ABLIM1: variants seen among roughly 807,000 people sequenced by gnomAD.
ABLIM1 encodes the protein actin binding LIM protein 1.
ABLIM1 carries 40 observed loss-of-function variants against 107.0 expected under a neutral mutation model. The observed-to-expected ratio is 0.37, with a 90% CI of 0.29 to 0.49. The LOEUF (loss-of-function observed/expected upper bound fraction) is 0.49, where lower values mean the gene tolerates loss of function less well. Among genes scored for constraint, ABLIM1 ranks in the 20% least tolerant of loss-of-function variants. ABLIM1 has a pLI of 0.97. For synonymous variants in ABLIM1, 357 were observed against 357.3 expected (o/e 1.00, Z 0.01); for missense variants, 857 against 1,008.5 (o/e 0.85, Z 2.04).
rs138882352 is a variant in ABLIM1, at chr10:114,592,717, T to C, written c.379+9110A>G. Among the ~76,000 whole-genome samples the C allele has an allele frequency of 7.9e-3, 1,201 of 152,212 alleles. 5 individuals are homozygous for C. The highest frequency in any genetic ancestry group is 0.024 in the Middle Eastern group (7 of 294). On this transcript the variant is annotated intron_variant, in intron 2 of 22. Transcript: ENST00000533213. Reference sequence around the variant, plus strand: ...AAATGGTCAGATTTTGTACATACTATGAAGATGGGGCCATCAGGATTTGTT... The same window carrying C: ...AAATGGTCAGATTTTGTACATACTACGAAGATGGGGCCATCAGGATTTGTT...
At chr10:114,606,589 C>A (rs2076431239) in intron 1 of ABLIM1, among the ~76,000 whole-genome samples, 1 of 152,122 alleles carries the variant, frequency 6.6e-6, no homozygotes, top group Non-Finnish European at 1.5e-5. Flanking sequence ...CAGTATCTTG[C>A]AGGTAACATA....
chr10:114,572,050 A>G (rs1045403175), intron 3 of ABLIM1, among the ~76,000 whole-genome samples: 1 of 152,240 alleles, frequency 6.6e-6, no homozygotes, highest in African/African-American at 2.4e-5. Flanking sequence ...ATATTCATCA[A>G]TAGCAGCACA....
At chr10:114,469,775 G>A (rs2066086229) in intron 10 of ABLIM1, among the ~76,000 whole-genome samples, 1 of 152,232 alleles carries the variant, frequency 6.6e-6, no homozygotes, top group Non-Finnish European at 1.5e-5. Context: ...CACAGTAGTT[G>A]CTCAAGTATT....
At chr10:114,762,916 A>G (rs1048130418) in intron 1 of ABLIM1, among the ~76,000 whole-genome samples, 4 of 152,164 alleles carry the variant, frequency 2.6e-5, no homozygotes, top group Non-Finnish European at 5.9e-5. Context: ...CATTCCCCCA[A>G]TGGATGAGCA....
intron 10 of ABLIM1, among the ~76,000 whole-genome samples, chr10:114,471,606 G>T (rs867646251): frequency 6.6e-6 from 1 of 152,004 alleles, no homozygotes; most frequent in Admixed American, 6.6e-5. Flanking sequence ...CCTTTTCCAC[G>T]CAGAGCTATG....
chr10:114,545,537 C>A (rs2067215536), intron 5 of ABLIM1, among the ~76,000 whole-genome samples: 1 of 152,138 alleles, frequency 6.6e-6, no homozygotes, highest in African/African-American at 2.4e-5. Context: ...CAATATCACA[C>A]CTGAAGGCAA....
chr10:114,759,258 G>T (rs2142556932), intron 1 of ABLIM1, among the ~76,000 whole-genome samples: 1 of 152,288 alleles, frequency 6.6e-6, no homozygotes, highest in East Asian at 1.9e-4. Context: ...CATACAATAT[G>T]CTGGAAAAGA....
At chr10:114,495,929 C>T (rs2059607096) in intron 6 of ABLIM1, among the ~76,000 whole-genome samples, 2 of 152,170 alleles carry the variant, frequency 1.3e-5, no homozygotes. Flanking sequence ...TATGTCACTG[C>T]TGTAACTACC....
At chr10:114,476,247 C>T (rs540560418) in intron 8 of ABLIM1, among the ~76,000 whole-genome samples, 2 of 152,268 alleles carry the variant, frequency 1.3e-5, no homozygotes, top group African/African-American at 2.4e-5. Context: ...CGTGCACAAG[C>T]GCTTTCCTGC....
intron 4 of ABLIM1, among the ~76,000 whole-genome samples, chr10:114,548,081 G>T (rs570359936): frequency 1.1e-4 from 17 of 152,286 alleles, no homozygotes; most frequent in African/African-American, 3.9e-4. Context: ...ATCGCCCAGA[G>T]AATATTTAAT....
intron 4 of ABLIM1, among the ~76,000 whole-genome samples, chr10:114,566,864 C>T (rs1006675863): frequency 5.9e-5 from 9 of 152,170 alleles, no homozygotes; most frequent in African/African-American, 9.7e-5. Context: ...GCCTGGCCAA[C>T]GTGGTGAAAC....
intron 6 of ABLIM1, among the ~76,000 whole-genome samples, chr10:114,530,013 G>A (rs1453683189): frequency 6.6e-6 from 1 of 152,200 alleles, no homozygotes; most frequent in Non-Finnish European, 1.5e-5. Flanking sequence ...GATGCCAAGA[G>A]TGAAACCCCA....
At chr10:114,712,025 T>A (rs1487476001) in intron 1 of ABLIM1, among the ~76,000 whole-genome samples, 1 of 150,822 alleles carries the variant, frequency 6.6e-6, no homozygotes, top group Non-Finnish European at 1.5e-5. Flanking sequence ...TGCCTGGGGG[T>A]CTCCAGGGTG....
At chr10:114,586,271 T>C (rs1242845553) in intron 2 of ABLIM1, among the ~76,000 whole-genome samples, 3 of 152,160 alleles carry the variant, frequency 2.0e-5, no homozygotes, top group Non-Finnish European at 4.4e-5. Context: ...TCCATTCACA[T>C]GTGCTGTGTA....
At chr10:114,763,695 T>C (rs2142663291) in intron 1 of ABLIM1, among the ~76,000 whole-genome samples, 1 of 152,328 alleles carries the variant, frequency 6.6e-6, no homozygotes, top group East Asian at 1.9e-4. Flanking sequence ...GATTTTAATA[T>C]ATTACTTTTA....
At chr10:114,566,046 C>T (rs184715039) in intron 4 of ABLIM1, among the ~76,000 whole-genome samples, 1,576 of 152,206 alleles carry the variant, frequency 0.01, 25 homozygotes, top group African/African-American at 0.036. Context: ...CCGCCTGCCT[C>T]GGCCTCCCAA....
intron 1 of ABLIM1, among the ~76,000 whole-genome samples, chr10:114,668,362 T>C (rs143935183): frequency 2.3e-3 from 347 of 152,286 alleles, no homozygotes; most frequent in African/African-American, 7.7e-3. Context: ...CACTGGGCCA[T>C]TCCTTTCTTA....
At chr10:114,559,444 A>G (rs2069307263) in intron 4 of ABLIM1, among the ~76,000 whole-genome samples, 1 of 131,532 alleles carries the variant, frequency 7.6e-6, no homozygotes, top group South Asian at 2.3e-4. Context: ...CTCTCAAAAA[A>G]AAAAAAAAAA....
chr10:114,493,588 C>T (rs1362059686), intron 6 of ABLIM1, among the ~76,000 whole-genome samples: 1 of 152,142 alleles, frequency 6.6e-6, no homozygotes, highest in Non-Finnish European at 1.5e-5. Flanking sequence ...AAAATTAAGT[C>T]ATATGGCTAG....
Sources: allele counts gnomAD v4.1 joint callset (sites outside exome capture counted in the v4.1 genomes callset), GRCh38; gene constraint gnomAD v4.1.1; transcripts MANE v1.5; gene names NCBI Gene and HGNC (gene_info 2026-07-23, HGNC 2026-07-21).